The following UNC13C variants were observed in gnomAD, a reference collection of about 807,000 sequenced individuals.
UNC13C encodes protein unc-13 homolog C.
Under a neutral mutation model 245.4 loss-of-function variants are expected in UNC13C, and 174 were observed. That is an observed-to-expected ratio of 0.71 (90% CI 0.63 to 0.80). The LOEUF is 0.80. UNC13C is among the 30% of genes least tolerant of loss of function. The pLI, the probability that UNC13C is intolerant of heterozygous loss-of-function variation, is 0.00. For missense variants in UNC13C, 2,829 were observed against 2,602.9 expected, an observed-to-expected ratio of 1.09 and a Z score of -1.89; for synonymous variants, 992 against 895.1, an observed-to-expected ratio of 1.11 and a Z score of -1.93.
At position 54,013,943 on chromosome 15, in the gene UNC13C, G is replaced by A. The variant is rs1328013263; in HGVS notation, c.1040G>A (p.Gly347Asp). ...VVYQILIDKMGFSDAPNAIKI... is the reference protein window; with the variant it reads ...VVYQILIDKMDFSDAPNAIKI... Reference sequence around the variant, plus strand: ...TACCAAATTCTAATAGATAAAATGGGTTTTTCAGATGCACCAAATGCTATT... The same window carrying A: ...TACCAAATTCTAATAGATAAAATGGATTTTTCAGATGCACCAAATGCTATT... The change falls in exon 2 of 33, where the codon GGT (glycine) becomes GAT (aspartate). Residue 347 changes from glycine to aspartate, a missense_variant. Transcript: ENST00000260323. 1 of 1,613,244 alleles carries A rather than the reference G, an allele frequency of 6.2e-7. No individual in the cohort carries two copies. The highest frequency in any genetic ancestry group is 1.3e-5 in the African/African-American group (1 of 74,834).
At chr15:54,623,649 T>G in intron 31 of UNC13C, 146 bp from the exon 32 acceptor site, 1 of 706,568 alleles carries the variant, frequency 1.4e-6, no homozygotes, top group South Asian at 2.3e-5. Context: ...AGAAAGAAAA[T>G]TGTATTTTAT....
At chr15:54,240,868 T>C (rs28737427) in intron 7 of UNC13C, among the ~76,000 whole-genome samples, 33,065 of 152,086 alleles carry the variant, frequency 0.22, 5,684 homozygotes, top group African/African-American at 0.47. Context: ...TAGGTGTGAA[T>C]CTGACAGTGG....
rs146954592 is a variant in UNC13C, at chr15:54,204,518, C to G, written c.3072-30512C>G. On this transcript the variant is annotated intron_variant, in intron 4 of 32. Coordinates refer to ENST00000260323, the MANE Select transcript of UNC13C (RefSeq NM_001080534.3). ...TTTACCATGTTTATAGATAGGATAA[C>G]CAGATATAAAGTATCAAATTCTCTC... Among the ~76,000 whole-genome samples, 455 of 151,904 alleles carry G rather than the reference C, an allele frequency of 3.0e-3. 4 individuals carry two copies. Among genetic ancestry groups the G allele is most frequent in the African/African-American group, 0.011 (442 of 41,508 alleles).
chr15:53,920,549 C>A, the UNC13C span, among the ~76,000 whole-genome samples: 1 of 151,978 alleles, frequency 6.6e-6, no homozygotes, highest in African/African-American at 2.4e-5. Flanking sequence ...GTGAAACTGT[C>A]TCAAAAATAA....
At chr15:54,130,308 T>TTTTTTTTTTTTTTTG in intron 2 of UNC13C, among the ~76,000 whole-genome samples, 1 of 119,488 alleles carries the variant, frequency 8.4e-6, no homozygotes, top group Non-Finnish European at 1.7e-5. Context: ...TTTTTTTTTT[T>TTTTTTTTTTTTTTTG]GTGAGACGGA....
chr15:54,303,670 A>C (rs1283066924), intron 13 of UNC13C, among the ~76,000 whole-genome samples: 1 of 150,424 alleles, frequency 6.6e-6, no homozygotes, highest in Non-Finnish European at 1.5e-5. Context: ...TATTTTGCCA[A>C]GGTTGAGGAC....
intron 15 of UNC13C, among the ~76,000 whole-genome samples, chr15:54,333,096 C>T (rs955592546): frequency 1.3e-5 from 2 of 151,886 alleles, no homozygotes; most frequent in African/African-American, 2.4e-5. Context: ...TCGTAATTAG[C>T]GATGGTTTTC....
chr15:54,211,176 G>T (rs1219107715), intron 4 of UNC13C, among the ~76,000 whole-genome samples: 1 of 152,060 alleles, frequency 6.6e-6, no homozygotes, highest in Non-Finnish European at 1.5e-5. Context: ...TGTAAATTAC[G>T]CAGCTATTTA....
At chr15:54,385,251 A>G (rs568246) in intron 17 of UNC13C, among the ~76,000 whole-genome samples, 56,441 of 152,104 alleles carry the variant, frequency 0.37, 10,706 homozygotes, top group Admixed American at 0.41. Context: ...TCAACATAGT[A>G]CTGGAAGTCC....
chr15:54,467,916 G>A (rs919349939), intron 19 of UNC13C, among the ~76,000 whole-genome samples: 9 of 151,628 alleles, frequency 5.9e-5, no homozygotes, highest in Non-Finnish European at 1.3e-4. Context: ...ATGGACATGG[G>A]AGTGTAGATG....
At chr15:54,226,425 C>G (rs545325498) in intron 4 of UNC13C, among the ~76,000 whole-genome samples, 4 of 152,328 alleles carry the variant, frequency 2.6e-5, no homozygotes, top group African/African-American at 7.2e-5. Context: ...GTAAATCCAT[C>G]TGATCCTGGG....
chr15:54,527,010 G>A (rs1011604840), intron 25 of UNC13C, among the ~76,000 whole-genome samples: 7 of 152,216 alleles, frequency 4.6e-5, no homozygotes, highest in African/African-American at 1.7e-4. Flanking sequence ...CCTTAAGCAA[G>A]GTGGCCTTGT....
intron 16 of UNC13C, among the ~76,000 whole-genome samples, chr15:54,335,892 G>C (rs1038963904): frequency 6.6e-6 from 1 of 152,162 alleles, no homozygotes; most frequent in African/African-American, 2.4e-5. Flanking sequence ...AGCAGTGTGT[G>C]AGAGTCCCAA....
intron 4 of UNC13C, among the ~76,000 whole-genome samples, chr15:54,226,981 G>A (rs113782619): frequency 0.088 from 13,335 of 152,116 alleles, 875 homozygotes; most frequent in South Asian, 0.2. Context: ...GAAGGGTAGG[G>A]GGCATGTTTC....
chr15:54,251,685 T>G (rs1044034100), intron 8 of UNC13C, among the ~76,000 whole-genome samples: 1 of 152,250 alleles, frequency 6.6e-6, no homozygotes, highest in Non-Finnish European at 1.5e-5. Flanking sequence ...TGATGTTCAT[T>G]TGCAAATCAT....
chr15:54,519,295 G>A (rs910168902), intron 24 of UNC13C, among the ~76,000 whole-genome samples: 1 of 152,102 alleles, frequency 6.6e-6, no homozygotes, highest in Non-Finnish European at 1.5e-5. Context: ...GCCTGAAGGT[G>A]TAATTTAAAG....
intron 18 of UNC13C, among the ~76,000 whole-genome samples, chr15:54,408,199 CAAAAAAAAAAAA>C (rs71105808): frequency 1.0e-4 from 3 of 29,130 alleles, no homozygotes; most frequent in African/African-American, 1.8e-4. Context: ...GACTCTGCCT[CAAAAAAAAAAAA>C]AAAAAAAAAA....
At chr15:53,914,381 A>G in the UNC13C span, 1 of 152,242 alleles carries the variant, frequency 6.6e-6, no homozygotes, top group African/African-American at 2.4e-5. Flanking sequence ...GACACTGTGC[A>G]CAAGAGACAT....
rs538355334 is a variant in UNC13C at position 54,568,165 on chromosome 15, C to G, written c.6106+218C>G. ...TAATAACACTAAGATGTATTTAATA[C>G]TAAAGCTCTATGGAATGGCTGACTT... On this transcript the variant is annotated intron_variant, in intron 30 of 32. Coordinates refer to ENST00000260323, the MANE Select transcript of UNC13C (RefSeq NM_001080534.3). Among the ~76,000 whole-genome samples the G allele has an allele frequency of 3.7e-3, 562 of 151,994 alleles. 3 individuals carry two copies. The highest frequency in any genetic ancestry group is 0.013 in the African/African-American group (541 of 41,486).
Sources: gnomAD v4.1 joint callset for allele counts (sites outside exome capture counted in the v4.1 genomes callset) on GRCh38, gnomAD v4.1.1 for gene constraint, MANE v1.5 for transcripts, NCBI Gene and HGNC (gene_info 2026-07-23, HGNC 2026-07-21) for gene names.